The following CFAP58 variants were observed in gnomAD, a reference collection of about 807,000 sequenced individuals.
CFAP58 encodes the protein cilia- and flagella-associated protein 58.
CFAP58 carries 88 observed loss-of-function variants against 119.5 expected under a neutral mutation model. The observed-to-expected ratio is 0.74, with a 90% CI of 0.62 to 0.88. The LOEUF (loss-of-function observed/expected upper bound fraction) is 0.88. Ranked by LOEUF, CFAP58 falls within the 40% of genes least tolerant of loss-of-function variation. CFAP58 has a pLI of 0.00. For missense variants in CFAP58, 990 were observed against 1,021.2 expected (o/e 0.97, Z 0.42); for synonymous variants, 365 against 366.3 (o/e 1.00, Z 0.04).
At chr10:104,418,244 T>A (rs1018037211) in intron 15 of CFAP58, among the ~76,000 whole-genome samples, 5 of 152,160 alleles carry the variant, frequency 3.3e-5, no homozygotes, top group Non-Finnish European at 7.4e-5. Flanking sequence ...TGCTGACCCC[T>A]CTTAGAAACC....
At chr10:104,440,294 T>G (rs2013016464) in intron 15 of CFAP58, among the ~76,000 whole-genome samples, 1 of 152,102 alleles carries the variant, frequency 6.6e-6, no homozygotes, top group Non-Finnish European at 1.5e-5. Flanking sequence ...AAGGGCTCTA[T>G]TCACCAAGAA....
At chr10:104,360,604 T>C (rs528491606) in intron 2 of CFAP58, among the ~76,000 whole-genome samples, 6 of 152,330 alleles carry the variant, frequency 3.9e-5, no homozygotes, top group Middle Eastern at 3.4e-3. Context: ...TATCCATTTG[T>C]TATTGTTTCC....
At chr10:104,450,860 T>C (rs1434337214) in intron 17 of CFAP58, among the ~76,000 whole-genome samples, 1 of 151,994 alleles carries the variant, frequency 6.6e-6, no homozygotes, top group Non-Finnish European at 1.5e-5. Flanking sequence ...GGTTTTTAGA[T>C]AGTTATTATC....
chr10:104,447,917 CA>C, intron 16 of CFAP58, 100 bp downstream of exon 16: 1 of 1,400,216 alleles, frequency 7.1e-7, no homozygotes, highest in Non-Finnish European at 9.5e-7. Context: ...GCCAGTCTCT[CA>C]ATGCCACGAT....
intron 15 of CFAP58, among the ~76,000 whole-genome samples, chr10:104,418,112 A>T (rs2012583151): frequency 6.6e-6 from 1 of 152,268 alleles, no homozygotes; most frequent in Admixed American, 6.5e-5. Context: ...AGCCAGGCTC[A>T]TTCATTCACG....
chr10:104,400,683 A>G lies in CFAP58; in HGVS notation c.1819A>G (p.Ile607Val). 6.2e-7 allele frequency: 1 copy of G among 1,613,464 alleles called. No homozygotes were observed. Among genetic ancestry groups the G allele is most frequent in the Non-Finnish European group, 8.5e-7 (1 of 1,179,794 alleles). Residue 607 changes from isoleucine to valine, a missense_variant, in exon 13 of 18, where the codon ATC (isoleucine) becomes GTC (valine). Transcript: ENST00000369704. ...ATGCCCCTCCCTACCTTCCTAGGTC[A>G]TCAGTGAGAGAGATATCCTGGGGTC... Reference protein sequence around the residue: ...LRQKKELDQVISERDILGSQL... With the variant: ...LRQKKELDQVVSERDILGSQL...
intron 15 of CFAP58, among the ~76,000 whole-genome samples, chr10:104,436,914 T>G (rs746728762): frequency 6.6e-6 from 1 of 152,208 alleles, no homozygotes; most frequent in Non-Finnish European, 1.5e-5. Flanking sequence ...GCTTTTAAGC[T>G]CTCACTTCTT....
chr10:104,414,956 C>T (rs2012525030), intron 15 of CFAP58, among the ~76,000 whole-genome samples: 1 of 152,210 alleles, frequency 6.6e-6, no homozygotes. Flanking sequence ...TCTGAACACT[C>T]CCCACGCCCG....
chr10:104,438,326 G>GT (rs201531910), intron 15 of CFAP58, among the ~76,000 whole-genome samples: 2,389 of 125,222 alleles, frequency 0.019, 135 homozygotes, highest in African/African-American at 0.073. Flanking sequence ...AATTTTTATT[G>GT]TTTTTTTGTT....
intron 15 of CFAP58, among the ~76,000 whole-genome samples, chr10:104,418,829 T>C (rs2012596281): frequency 1.3e-5 from 2 of 152,166 alleles, no homozygotes; most frequent in Admixed American, 1.3e-4. Flanking sequence ...GTGGTCATCC[T>C]CCCCAAAGCT....
At chr10:104,447,451 T>G (rs9651453) in intron 15 of CFAP58, among the ~76,000 whole-genome samples, 38,628 of 152,080 alleles carry the variant, frequency 0.25, 5,000 homozygotes, top group Middle Eastern at 0.33. Flanking sequence ...TGATCTTATG[T>G]TCAGGTAGAG....
chr10:104,445,332 A>G (rs562325806), intron 15 of CFAP58, among the ~76,000 whole-genome samples: 1 of 151,714 alleles, frequency 6.6e-6, no homozygotes, highest in Non-Finnish European at 1.5e-5. Flanking sequence ...CAAAAAAAAA[A>G]AAAACAACAA....
At chr10:104,450,264 T>C in intron 17 of CFAP58, 60 bp downstream of exon 17, 1 of 1,566,364 alleles carries the variant, frequency 6.4e-7, no homozygotes, top group Non-Finnish European at 8.7e-7. Context: ...TAAGAAAATA[T>C]TTGGTGAACA....
intron 16 of CFAP58, among the ~76,000 whole-genome samples, chr10:104,448,111 T>A (rs771950639): frequency 1.6e-4 from 24 of 152,180 alleles, no homozygotes; most frequent in Non-Finnish European, 2.9e-4. Flanking sequence ...GGATGAATGA[T>A]CTTGAGATGA....
chr10:104,438,980 A>G (rs2012990530), intron 15 of CFAP58, among the ~76,000 whole-genome samples: 1 of 152,240 alleles, frequency 6.6e-6, no homozygotes, highest in Non-Finnish European at 1.5e-5. Context: ...AAATCTTAGA[A>G]CCATATTATT....
At chr10:104,431,642 G>C (rs567982011) in intron 15 of CFAP58, among the ~76,000 whole-genome samples, 1 of 152,236 alleles carries the variant, frequency 6.6e-6, no homozygotes, top group African/African-American at 2.4e-5. Flanking sequence ...GAAGTGAATA[G>C]ATTTTCAGAT....
chr10:104,343,342 A>G, the CFAP58 span, among the ~76,000 whole-genome samples: 1 of 152,200 alleles, frequency 6.6e-6, no homozygotes, highest in Non-Finnish European at 1.5e-5. Flanking sequence ...ACAAAAATTA[A>G]GTCCAGAGAA....
chr10:104,368,489 G>A lies in CFAP58; in HGVS notation c.859G>A (p.Glu287Lys). 2 of 1,614,040 alleles carry A rather than the reference G, an allele frequency of 1.2e-6. No individual in the cohort carries two copies. Among genetic ancestry groups the A allele is most frequent in the Non-Finnish European group, 1.7e-6 (2 of 1,179,938 alleles). ...GATGAGAAATGCTAAACTTCAGCAA[G>A]AGAATGAACAGCACAGTTTGGTCTG... is the stretch of plus-strand genomic sequence containing the variant. Reference protein sequence around the residue: ...FQMRNAKLQQENEQHSLVCEQ... With the variant: ...FQMRNAKLQQKNEQHSLVCEQ... Residue 287 changes from glutamate to lysine, a missense_variant, in exon 6 of 18, where the codon GAG becomes AAG. Glu to Lys is a moderately conservative substitution (Grantham distance 56, BLOSUM62 1). Transcript: ENST00000369704.
intron 11 of CFAP58, among the ~76,000 whole-genome samples, chr10:104,395,765 C>T (rs2012136750): frequency 1.3e-5 from 2 of 152,320 alleles, no homozygotes; most frequent in South Asian, 2.1e-4. Flanking sequence ...ACATTTATCT[C>T]ATTATTGCGA....
Sources: gnomAD v4.1 joint callset for allele counts (sites outside exome capture counted in the v4.1 genomes callset) on GRCh38, gnomAD v4.1.1 for gene constraint, MANE v1.5 for transcripts, NCBI Gene and HGNC (gene_info 2026-07-23, HGNC 2026-07-21) for gene names.